The following MAP4K5 variants were observed in gnomAD, a reference collection of about 807,000 sequenced individuals.
The protein encoded by MAP4K5 is mitogen-activated protein kinase kinase kinase kinase 5.
In MAP4K5, 82 loss-of-function variants were observed where a neutral mutation model predicts 135.6. The observed-to-expected ratio is 0.60, with a 90% CI of 0.51 to 0.73. The LOEUF (loss-of-function observed/expected upper bound fraction) is 0.73. Ranked by LOEUF, MAP4K5 falls within the 30% of genes least tolerant of loss-of-function variation. The probability of loss-of-function intolerance (pLI) is 0.00; values close to 1 mark genes in which losing one functional copy is unlikely to be tolerated. For synonymous variants in MAP4K5, 347 were observed against 335.0 expected (o/e 1.04, Z -0.39); for missense variants, 907 against 1,010.9 (o/e 0.90, Z 1.39).
Position 50,419,770 on chromosome 14 carries a change from G to A in MAP4K5, c.*249C>T. ...TTTTAAAAAAAGACTGTGTTTCCTG[G>A]AACTAGAGGACTATTTGTCTCATAG... On this transcript the variant is annotated 3_prime_UTR_variant, in exon 33 of 33. Transcript: ENST00000682126. 2.7e-6 allele frequency: 1 copy of A among 372,358 alleles called. No individual in the cohort carries two copies. The highest frequency in any genetic ancestry group is 2.0e-5 in the African/African-American group (1 of 49,494). The allele number at this position is 372,358 out of a possible 1,614,324, so 23.1% of individuals were successfully genotyped here.
At chr14:50,477,946 T>C (rs749375787) in intron 6 of MAP4K5, among the ~76,000 whole-genome samples, 1 of 152,182 alleles carries the variant, frequency 6.6e-6, no homozygotes, top group Non-Finnish European at 1.5e-5. Flanking sequence ...TGTCTAATTT[T>C]GGTGTCAGAA....
upstream of MAP4K5, among the ~76,000 whole-genome samples, chr14:50,537,563 A>G (rs1239790457): frequency 1.3e-5 from 2 of 152,214 alleles, no homozygotes; most frequent in East Asian, 1.9e-4. Context: ...GAAAAGCTGC[A>G]GACACTCAAC....
intron 3 of MAP4K5, among the ~76,000 whole-genome samples, chr14:50,492,075 C>G (rs1031176226): frequency 1.3e-5 from 2 of 152,138 alleles, no homozygotes; most frequent in Non-Finnish European, 2.9e-5. Context: ...CAAATATCAA[C>G]TGGTTTATGC....
At chr14:50,543,939 T>G (rs2038596596) in intron 1 of MAP4K5, among the ~76,000 whole-genome samples, 6 of 152,214 alleles carry the variant, frequency 3.9e-5, no homozygotes, top group Admixed American at 3.3e-4. Context: ...AAGCTGAAAC[T>G]GCCATCTGGC....
At position 50,532,433 on chromosome 14, in the gene MAP4K5, G is replaced by A. The variant is rs2140131985; in HGVS notation, c.-110+15C>T. 5.9e-6 allele frequency: 1 copy of A among 170,304 alleles called. No homozygotes were observed. The highest frequency in any genetic ancestry group is 1.6e-4 in the East Asian group (1 of 6,318). The allele number at this position is 170,304 out of a possible 1,614,324, so 10.5% of individuals were successfully genotyped here. On this transcript the variant is annotated intron_variant, in intron 1 of 32. Transcript: ENST00000682126. ...GGCGGCCCCGTCTTTGTTGAGCGCG[G>A]AGCCCGGGACCTACTTCCTAGACCG... is the stretch of plus-strand genomic sequence containing the variant.
chr14:50,495,540 T>C (rs779557195), intron 3 of MAP4K5, among the ~76,000 whole-genome samples: 1 of 152,254 alleles, frequency 6.6e-6, no homozygotes. Flanking sequence ...AACTATCATA[T>C]GACCAATTCA....
intron 26 of MAP4K5, 85 bp downstream of exon 26, chr14:50,437,391 C>T: frequency 9.5e-7 from 1 of 1,053,098 alleles, no homozygotes; most frequent in Non-Finnish European, 1.4e-6. Flanking sequence ...ACCCTCCTTC[C>T]TATTTGATTC....
intron 1 of MAP4K5, among the ~76,000 whole-genome samples, chr14:50,554,485 G>T (rs764173271): frequency 3.2e-4 from 49 of 152,306 alleles, no homozygotes; most frequent in Admixed American, 9.2e-4. Flanking sequence ...AAAGAGCTGG[G>T]GAATGGGGTG....
intron 2 of MAP4K5, among the ~76,000 whole-genome samples, chr14:50,519,300 G>C (rs770194166): frequency 6.6e-6 from 1 of 151,914 alleles, no homozygotes; most frequent in East Asian, 1.9e-4. Context: ...TAAAAGTTGG[G>C]AATGTTTATC....
rs1466724827 is a variant in MAP4K5 at position 50,558,037 on chromosome 14, A to T, written c.-180+3003T>A. ...TGGTGATGCATAGCACAATTTTTTT[A>T]AAAGCTTCCATTAATTTATAGAGGG... is the stretch of plus-strand genomic sequence containing the variant. On this transcript the variant is annotated intron_variant, in intron 1 of 8. Coordinates refer to the MAP4K5 transcript ENST00000555216. 1.3e-5 allele frequency among the ~76,000 whole-genome samples: 2 copies of T among 152,230 alleles called. 1 individual carries two copies. The highest frequency in any genetic ancestry group is 4.1e-4 in the South Asian group (2 of 4,834).
intron 27 of MAP4K5, 80 bp downstream of exon 27, chr14:50,434,874 GATAGTAGT>G (rs1206266458): frequency 4.1e-6 from 3 of 734,434 alleles, no homozygotes; most frequent in East Asian, 5.4e-5. Context: ...TCTGACCCTA[GATAGTAGT>G]ATTGGGATCT....
rs1350340110 is a variant in MAP4K5 at position 50,443,941 on chromosome 14, G to A, written c.1435C>T (p.Pro479Ser). 1 of 1,602,588 alleles carries A rather than the reference G, an allele frequency of 6.2e-7. No homozygotes were observed. The highest frequency in any genetic ancestry group is 8.5e-7 in the Non-Finnish European group (1 of 1,172,976). The change falls in exon 19 of 33, where the codon CCT becomes TCT. Residue 479 changes from proline to serine, a missense_variant and splice_region_variant. Around this residue, in one of 3 missense-constraint regions of MAP4K5, gnomAD observed 690 missense variants for 777.4 expected, o/e 0.89. Coordinates refer to ENST00000682126, the MANE Select transcript of MAP4K5 (RefSeq NM_006575.6). ...LPRKKDKRDFPKPAINGLPPT... is the reference protein window; with the variant it reads ...LPRKKDKRDFSKPAINGLPPT... ...TGCTAAATGCCTGTTATACCTACAG[G>A]GAAGTCTCGTTTGTCCTTTTTTCGT... is the stretch of plus-strand genomic sequence containing the variant.
intron 1 of MAP4K5, among the ~76,000 whole-genome samples, chr14:50,547,347 A>G (rs2038646376): frequency 6.6e-6 from 1 of 152,156 alleles, no homozygotes; most frequent in Non-Finnish European, 1.5e-5. Context: ...GTTATAATAG[A>G]GGGCATTGGT....
Position 50,429,221 on chromosome 14 carries a change from T to C in MAP4K5, c.2204A>G (p.Glu735Gly). Residue 735 changes from glutamate (E) to glycine (G), a missense_variant, in exon 29 of 33, where the codon GAG becomes GGG. Glu to Gly is a moderately conservative substitution (Grantham distance 98). Around this residue, in one of 3 missense-constraint regions of MAP4K5, gnomAD observed 690 missense variants for 777.4 expected, o/e 0.89. Coordinates refer to ENST00000682126, the MANE Select transcript of MAP4K5 (RefSeq NM_006575.6). ...TAAACACACTAAAACGGTATCTCTC[T>C]CCAACTGTGTTACATGAATGGAATC... is the stretch of plus-strand genomic sequence containing the variant. ...QLDSIHVTQL[E>G]RDTVLVCLDK... The C allele has an allele frequency of 3.2e-6, 5 of 1,562,886 alleles. No individual in the cohort carries two copies. Among genetic ancestry groups the C allele is most frequent in the Non-Finnish European group, 4.3e-6 (5 of 1,151,940 alleles).
chr14:50,519,373 CA>C (rs2038100163), intron 2 of MAP4K5, among the ~76,000 whole-genome samples: 1 of 151,998 alleles, frequency 6.6e-6, no homozygotes, highest in Non-Finnish European at 1.5e-5. Context: ...GAACATGTAT[CA>C]CCAGGTACAG....
chr14:50,480,723 GA>G (rs768344691), intron 6 of MAP4K5, among the ~76,000 whole-genome samples: 13 of 152,098 alleles, frequency 8.5e-5, no homozygotes, highest in Non-Finnish European at 1.8e-4. Context: ...AAGTATCACA[GA>G]GGGTACTTGC....
At chr14:50,542,280 G>A (rs2038574366) in intron 2 of MAP4K5, among the ~76,000 whole-genome samples, 1 of 147,348 alleles carries the variant, frequency 6.8e-6, no homozygotes, top group Admixed American at 6.8e-5. Flanking sequence ...GGGGGCCTGT[G>A]GTGTCGGGGG....
At chr14:50,488,497 G>A (rs1566674186) in intron 3 of MAP4K5, among the ~76,000 whole-genome samples, 1 of 152,178 alleles carries the variant, frequency 6.6e-6, no homozygotes, top group East Asian at 1.9e-4. Flanking sequence ...ATTTAGAACA[G>A]ATTTTCTCAC....
intron 1 of MAP4K5, among the ~76,000 whole-genome samples, chr14:50,552,731 G>C (rs935331783): frequency 6.6e-6 from 1 of 152,052 alleles, no homozygotes; most frequent in Non-Finnish European, 1.5e-5. Flanking sequence ...CTAACTGGTC[G>C]TCGACAAAAC....
Sources: gnomAD v4.1 joint callset for allele counts (sites outside exome capture counted in the v4.1 genomes callset) on GRCh38, gnomAD v4.1.1 for gene constraint, gnomAD v4.1.1 regional missense constraint, MANE v1.5 for transcripts, NCBI Gene and HGNC (gene_info 2026-07-23, HGNC 2026-07-21) for gene names.